BRD3: variants seen among roughly 807,000 people sequenced by gnomAD.
BRD3 encodes bromodomain containing 3, also known as bromodomain-containing protein 3.
In BRD3, 17 loss-of-function variants were observed where a neutral mutation model predicts 66.8. The ratio of observed to expected loss-of-function variants is 0.25; its 90% CI spans 0.17 to 0.38. The LOEUF is 0.38. Among genes scored for constraint, BRD3 ranks in the 10% least tolerant of loss-of-function variants. The pLI, the probability that BRD3 is intolerant of heterozygous loss-of-function variation, is 1.00. For missense variants in BRD3, 713 were observed against 956.1 expected, an observed-to-expected ratio of 0.75 and a Z score of 3.35; for synonymous variants, 421 against 393.2, an observed-to-expected ratio of 1.07 and a Z score of -0.84.
intron 9 of BRD3, among the ~76,000 whole-genome samples, chr9:134,036,804 C>G (rs989169307): frequency 1.3e-5 from 2 of 151,680 alleles, no homozygotes; most frequent in Non-Finnish European, 2.9e-5. Flanking sequence ...GTCAGTAGGT[C>G]GAGACCATCC....
chr9:134,067,759 C>T (rs979466995), intron 1 of BRD3, among the ~76,000 whole-genome samples, 186 bp downstream of exon 1: 3 of 144,798 alleles, frequency 2.1e-5, no homozygotes, highest in African/African-American at 7.4e-5. Context: ...GGCCGCCGCG[C>T]TTTGTTGCAT....
At chr9:134,068,449 C>T (rs1830718290), upstream of BRD3, 1 of 150,398 alleles carries the variant, frequency 6.6e-6, no homozygotes, top group South Asian at 2.1e-4. Context: ...GGGAGCCACC[C>T]TCGAACCCCG....
chr9:134,036,383 C>CA (rs1365258978), intron 9 of BRD3, 59 bp from the exon 10 acceptor site: 24 of 1,570,922 alleles, frequency 1.5e-5, no homozygotes, highest in Non-Finnish European at 2.0e-5. Flanking sequence ...CGTGGGAGCC[C>CA]ACTGCACACA....
chr9:134,040,480 T>C (rs538471971), intron 8 of BRD3, among the ~76,000 whole-genome samples: 1 of 152,258 alleles, frequency 6.6e-6, no homozygotes, highest in East Asian at 1.9e-4. Flanking sequence ...CTTCTTCGCC[T>C]GCAGTGGGGA....
chr9:134,050,266 G>T, intron 5 of BRD3, 108 bp downstream of exon 5: 1 of 990,450 alleles, frequency 1.0e-6, no homozygotes, highest in Non-Finnish European at 1.5e-6. Context: ...ACTCCCAAGA[G>T]CCAGCACTCA....
At chr9:134,037,529 CCA>C (rs1829951448) in intron 9 of BRD3, among the ~76,000 whole-genome samples, 1 of 151,950 alleles carries the variant, frequency 6.6e-6, no homozygotes, top group Non-Finnish European at 1.5e-5. Context: ...CGAGATCGTG[CCA>C]CTGCACTCCA....
intron 5 of BRD3, among the ~76,000 whole-genome samples, chr9:134,049,029 G>A (rs1830235182): frequency 6.6e-6 from 1 of 152,304 alleles, no homozygotes; most frequent in East Asian, 1.9e-4. Flanking sequence ...CTGGGAACAA[G>A]GGACCTCAGG....
At chr9:134,066,252 G>C (rs1289096765) in intron 1 of BRD3, among the ~76,000 whole-genome samples, 3 of 152,206 alleles carry the variant, frequency 2.0e-5, no homozygotes, top group South Asian at 4.2e-4. Context: ...AATGCCCCTC[G>C]CTCGCCTGCA....
chr9:134,051,574 C>T lies in BRD3; in HGVS notation c.487G>A (p.Ala163Thr), dbSNP rs201073017. The T allele has an allele frequency of 2.6e-6, 4 of 1,554,036 alleles. No homozygotes were observed. Among genetic ancestry groups the T allele is most frequent in the Non-Finnish European group, 3.4e-6 (4 of 1,160,612 alleles). The change falls in exon 4 of 12, where the codon GCC becomes ACC. Residue 163 changes from alanine (A) to threonine (T), a missense_variant. Ala to Thr is a moderately conservative substitution (Grantham distance 58). Coordinates refer to ENST00000303407, the MANE Select transcript of BRD3 (RefSeq NM_007371.4). Reference sequence around the variant, plus strand: ...CAGCTCCCTTTACCTGCGCTCTGGGCTCCCGCAGCCGGCTTCCGACCTTTG... The same window carrying T: ...CAGCTCCCTTTACCTGCGCTCTGGGTTCCCGCAGCCGGCTTCCGACCTTTG... ...KGKGRKPAAG[A>T]QSAGTQQVAA...
chr9:134,062,688 G>C (rs1252792122), intron 1 of BRD3, among the ~76,000 whole-genome samples: 1 of 152,172 alleles, frequency 6.6e-6, no homozygotes, highest in Non-Finnish European at 1.5e-5. Context: ...CATGAGGCGC[G>C]TGAGGAGGCC....
chr9:134,033,851 G>GAAAT lies in BRD3; in HGVS notation c.2066-150_2066-147dup. 1 of 581,194 alleles carries GAAAT rather than the reference G, an allele frequency of 1.7e-6. No homozygotes were observed. The highest frequency in any genetic ancestry group is 2.1e-5 in the South Asian group (1 of 48,624). 36.0% of individuals were successfully genotyped at this position (581,194 alleles called of 1,614,324 possible). A position where few individuals can be genotyped will look rare whatever the true frequency, so the allele number is the denominator to read the frequency against. ...CCCAGTCGTTTAATAAGTATTTATTGAAATTAATCAGGTCAACAAGACTAT... is the reference window on the plus strand; with the variant it reads ...CCCAGTCGTTTAATAAGTATTTATTGAAATAAATTAATCAGGTCAACAAGACTAT... On this transcript the variant is annotated intron_variant, in intron 11 of 11. Coordinates refer to ENST00000303407, the MANE Select transcript of BRD3 (RefSeq NM_007371.4). The surrounding 1 kb of genome is among the most constrained non-coding windows in gnomAD (Gnocchi z 5.1).
At chr9:134,062,888 G>A (rs1467249305) in intron 1 of BRD3, among the ~76,000 whole-genome samples, 2 of 152,348 alleles carry the variant, frequency 1.3e-5, no homozygotes, top group East Asian at 1.9e-4. Flanking sequence ...CCTTTAGAGG[G>A]AAGGAGACAC....
intron 1 of BRD3, among the ~76,000 whole-genome samples, chr9:134,059,378 C>T (rs2519081): frequency 6.6e-6 from 1 of 152,046 alleles, no homozygotes; most frequent in Non-Finnish European, 1.5e-5. Context: ...AATAAGCCGA[C>T]GGGACTCCTG....
intron 2 of BRD3, 57 bp from the exon 3 acceptor site, chr9:134,052,500 A>G: frequency 6.4e-7 from 1 of 1,557,306 alleles, no homozygotes; most frequent in Non-Finnish European, 8.7e-7. Context: ...TATTTTCACA[A>G]TTCCCAAGTG....
rs577961572 is a variant in BRD3 at position 134,030,526 on chromosome 9, A to C, written c.*3064T>G. On this transcript the variant is annotated 3_prime_UTR_variant, in exon 12 of 12. Coordinates refer to ENST00000303407, the MANE Select transcript of BRD3 (RefSeq NM_007371.4). ...ACTAGAAACGGCACTAAAAAGTTTA[A>C]GAAAAGTTACGGTAAACTTGCATGC... 2.4e-5 allele frequency: 5 copies of C among 210,754 alleles called. No individual in the cohort carries two copies. The highest frequency in any genetic ancestry group is 1.1e-4 in the African/African-American group (5 of 44,170). The allele number at this position is 210,754 out of a possible 1,614,324, so 13.1% of individuals were successfully genotyped here.
Position 134,039,956 on chromosome 9 carries a change from C to A in BRD3, c.1643+78G>T, listed in dbSNP as rs1032671550. On this transcript the variant is annotated intron_variant, in intron 9 of 11. Coordinates refer to ENST00000303407, the MANE Select transcript of BRD3 (RefSeq NM_007371.4). ...GTGGCCAAGGCACAAAGCCCCCAATCCCAGCACTGCTGCTACATGAGCCCC... is the reference window on the plus strand; with the variant it reads ...GTGGCCAAGGCACAAAGCCCCCAATACCAGCACTGCTGCTACATGAGCCCC... The A allele has an allele frequency of 7.3e-6, 11 of 1,512,190 alleles. No individual in the cohort carries two copies. In the African/African-American group the frequency reaches 1.1e-4, roughly 15 times the overall value. The allele number at this position is 1,512,190 out of a possible 1,614,324, so 93.7% of individuals were successfully genotyped here.
At chr9:134,042,726 TATATATACACAC>T (rs1489002942) in intron 7 of BRD3, among the ~76,000 whole-genome samples, 2 of 148,046 alleles carry the variant, frequency 1.4e-5, no homozygotes, top group Admixed American at 6.7e-5. Context: ...TATATACACA[TATATATACACAC>T]ATATATACAC....
At chr9:134,044,032 G>A (rs1432873520) in intron 7 of BRD3, among the ~76,000 whole-genome samples, 2 of 152,238 alleles carry the variant, frequency 1.3e-5, no homozygotes, top group Non-Finnish European at 2.9e-5. Flanking sequence ...CTGCAAGCCT[G>A]GGTTTCCGTC....
At chr9:134,038,070 GAATCCTACCAAACATTTAAGTATT>G (rs1829964641) in intron 9 of BRD3, among the ~76,000 whole-genome samples, 1 of 152,186 alleles carries the variant, frequency 6.6e-6, no homozygotes, top group Non-Finnish European at 1.5e-5. Flanking sequence ...TTCTGCTAGT[GAATCCTACCAAACATTTAAGTATT>G]AATATCAATT....
Sources: gnomAD v4.1 joint callset for allele counts (sites outside exome capture counted in the v4.1 genomes callset) on GRCh38, gnomAD v4.1.1 for gene constraint, Gnocchi (gnomAD v3.1) non-coding constraint, MANE v1.5 for transcripts, NCBI Gene and HGNC (gene_info 2026-07-23, HGNC 2026-07-21) for gene names.